GRK4: variants seen among roughly 807,000 people sequenced by gnomAD.
GRK4 encodes the protein G protein-coupled receptor kinase 4.
In GRK4, 73 loss-of-function variants were observed where a neutral mutation model predicts 77.9. That is an observed-to-expected ratio of 0.94 (90% CI 0.78 to 1.14). The LOEUF is 1.14. GRK4 is among the 50% of genes most tolerant of loss of function. The pLI, the probability that GRK4 is intolerant of heterozygous loss-of-function variation, is 0.00. For missense variants in GRK4, 729 were observed against 700.2 expected (o/e 1.04, Z -0.46); for synonymous variants, 257 against 254.4 (o/e 1.01, Z -0.10).
chr4:3,026,517 C>T (rs1415384155), intron 10 of GRK4, among the ~76,000 whole-genome samples: 1 of 152,098 alleles, frequency 6.6e-6, no homozygotes, highest in Non-Finnish European at 1.5e-5. Context: ...ATCGCTTGAG[C>T]CCAGGAGTTC....
chr4:2,989,550 C>T (rs534051341), intron 3 of GRK4, among the ~76,000 whole-genome samples: 1 of 152,290 alleles, frequency 6.6e-6, no homozygotes, highest in African/African-American at 2.4e-5. Flanking sequence ...ATCCACCTGC[C>T]TTGGCCCCCC....
chr4:3,034,285 G>A (rs1216443224), intron 12 of GRK4, among the ~76,000 whole-genome samples: 1 of 152,160 alleles, frequency 6.6e-6, no homozygotes, highest in Non-Finnish European at 1.5e-5. Context: ...TAGAAGCGCA[G>A]ACCAGAATGC....
rs756365622 is a variant in GRK4, at chr4:3,007,725, T to G, written c.444-11T>G. ...AACAAATGTATATAATTTTAAAAAA[T>G]CTTTTTCTAGAGTTGCCCATAACTA... On this transcript the variant is annotated splice_polypyrimidine_tract_variant and intron_variant, in intron 5 of 15. Coordinates refer to ENST00000398052, the MANE Select transcript of GRK4 (RefSeq NM_182982.3). 1 of 1,542,328 alleles carries G rather than the reference T, an allele frequency of 6.5e-7. No homozygotes were observed. The highest frequency in any genetic ancestry group is 1.2e-5 in the South Asian group (1 of 83,704).
chr4:2,969,770 T>C (rs2185886), intron 1 of GRK4, among the ~76,000 whole-genome samples: 72,231 of 151,732 alleles, frequency 0.48, 18,764 homozygotes, highest in African/African-American at 0.68. Context: ...CCTTGAACTC[T>C]GGGGCCAAGC....
Position 3,039,908 on chromosome 4 carries a change from G to C in GRK4, c.1684-664G>C, listed in dbSNP as rs1017352359. Among the ~76,000 whole-genome samples the C allele has an allele frequency of 3.7e-4, 57 of 152,058 alleles. 1 individual carries two copies. The highest frequency in any genetic ancestry group is 3.7e-3 in the Admixed American group (57 of 15,268). The stretch of plus-strand genomic sequence containing the variant: ...GGTCCCAGTGTCCACACTTGGAGAT[G>C]GAACCCAGGTTCCCACGTTTTGGGG... On this transcript the variant is annotated intron_variant, in intron 15 of 15. Transcript: ENST00000398052.
Position 2,973,808 on chromosome 4 carries a change from G to A in GRK4, c.52+9686G>A, listed in dbSNP as rs912298637. 5.9e-5 allele frequency among the ~76,000 whole-genome samples: 9 copies of A among 152,026 alleles called. 1 individual carries two copies. The South Asian group carries it at 1.2e-3, about 21-fold the overall frequency. ...ATTAAAATTTAAGCCAGATTGTGTC[G>A]GCCCCTCCTCTGAACTCTCTTCATG... On this transcript the variant is annotated intron_variant, in intron 1 of 15. Coordinates refer to ENST00000398052, the MANE Select transcript of GRK4 (RefSeq NM_182982.3).
chr4:2,965,295 A>AC (rs757721332), intron 1 of GRK4: 3 of 702,652 alleles, frequency 4.3e-6, no homozygotes, highest in South Asian at 1.5e-5. Flanking sequence ...TCAGCGGGAG[A>AC]CCCCCACAAT....
At chr4:2,974,301 G>A (rs1172216363) in intron 1 of GRK4, among the ~76,000 whole-genome samples, 2 of 152,238 alleles carry the variant, frequency 1.3e-5, no homozygotes, top group African/African-American at 2.4e-5. Flanking sequence ...GTTCACTGCT[G>A]TATTTTTCAT....
In GRK4 at chr4:2,978,355, T is replaced by TA. The variant is rs539683237; in HGVS notation, c.53-6151dup. Among the ~76,000 whole-genome samples, 114 of 152,278 alleles carry TA rather than the reference T, an allele frequency of 7.5e-4. 1 individual carries two copies. Among genetic ancestry groups the TA allele is most frequent in the Non-Finnish European group, 1.2e-3 (85 of 68,024 alleles). On this transcript the variant is annotated intron_variant, in intron 1 of 15. Coordinates refer to ENST00000398052, the MANE Select transcript of GRK4 (RefSeq NM_182982.3). ...GAGCTAATCGATTCTATTGTCAATC[T>TA]AAAAAAAGATATCAGAGAAAAATAT...
chr4:2,985,741 G>A (rs1430754869), intron 2 of GRK4: 4 of 326,324 alleles, frequency 1.2e-5, no homozygotes, highest in Middle Eastern at 1.0e-3. Context: ...GCTCACGCCC[G>A]TAATCCCAGC....
intron 1 of GRK4, among the ~76,000 whole-genome samples, chr4:2,977,705 C>T (rs961837656): frequency 2.0e-5 from 3 of 152,166 alleles, no homozygotes; most frequent in Admixed American, 2.0e-4. Context: ...CTGTGGATCT[C>T]GGTCCATCTA....
intron 8 of GRK4, among the ~76,000 whole-genome samples, chr4:3,016,964 C>G (rs1395229483): frequency 6.6e-6 from 1 of 152,206 alleles, no homozygotes; most frequent in Non-Finnish European, 1.5e-5. Flanking sequence ...TGTTTACCCC[C>G]TGCTTACAGT....
Position 3,004,250 on chromosome 4 carries a change from A to C in GRK4, c.359A>C (p.Glu120Ala). Residue 120 changes from glutamate (E) to alanine (A), a missense_variant, in exon 5 of 16, where the codon GAA becomes GCA. By Grantham distance (107) the Glu-to-Ala change is moderately radical. Transcript: ENST00000398052. ...FNDKLAAPLP[E>A]IPPDVVTECR... ...ATTAAGTTGGCAGCCCCTTTACCAG[A>C]AATACCTCCAGATGTTGTGACAGAA... 1 of 1,613,624 alleles carries C rather than the reference A, an allele frequency of 6.2e-7. No individual in the cohort carries two copies. The highest frequency in any genetic ancestry group is 8.5e-7 in the Non-Finnish European group (1 of 1,179,506).
Position 2,984,500 on chromosome 4 carries a change from C to T in GRK4, c.53-13C>T, listed in dbSNP as rs1723695543. On this transcript the variant is annotated splice_polypyrimidine_tract_variant and intron_variant, in intron 1 of 15. Coordinates refer to ENST00000398052, the MANE Select transcript of GRK4 (RefSeq NM_182982.3). ...ACTGTTAAAGGAAATTGCCTTTTTT[C>T]TCCCAAATTCAGGAGGATATGGCAA... The T allele has an allele frequency of 1.3e-6, 2 of 1,545,534 alleles. No individual in the cohort carries two copies. The highest frequency in any genetic ancestry group is 1.4e-5 in the African/African-American group (1 of 73,448).
intron 1 of GRK4, chr4:2,971,218 A>C (rs1203392971): frequency 6.6e-6 from 1 of 152,204 alleles, no homozygotes; most frequent in Non-Finnish European, 1.5e-5. Context: ...GTCTCCAGTA[A>C]ATATGTGGTT....
In GRK4 at chr4:3,038,420, T is replaced by C. The variant is rs765123787; in HGVS notation, c.1590T>C (p.Ser530=). The C allele has an allele frequency of 3.7e-6, 6 of 1,613,992 alleles. No individual in the cohort carries two copies. Among genetic ancestry groups the C allele is most frequent in the African/African-American group, 1.3e-5 (1 of 74,906 alleles). The change falls in exon 15 of 16, where the codon AGT becomes AGC. Residue 530 remains serine, a synonymous_variant. Coordinates refer to ENST00000398052, the MANE Select transcript of GRK4 (RefSeq NM_182982.3). ...TCAAAGACATCAACAAAAGTGAAAGTGAGGAAGCTTTGCCATTAGATCTAG... is the reference window on the plus strand; with the variant it reads ...TCAAAGACATCAACAAAAGTGAAAGCGAGGAAGCTTTGCCATTAGATCTAG... ...GCFKDINKSE[S]EEALPLDLDK... is the part of the protein sequence containing the mutation.
intron 1 of GRK4, among the ~76,000 whole-genome samples, chr4:2,971,658 C>T (rs1291952673): frequency 6.6e-6 from 1 of 152,216 alleles, no homozygotes; most frequent in African/African-American, 2.4e-5. Flanking sequence ...AACCTGATGT[C>T]TCCCGCAACA....
intron 2 of GRK4, among the ~76,000 whole-genome samples, chr4:2,987,322 A>G (rs1428067412): frequency 6.6e-6 from 1 of 152,200 alleles, no homozygotes; most frequent in African/African-American, 2.4e-5. Flanking sequence ...ATCACATTTT[A>G]TTTAGCCATT....
chr4:2,974,240 G>A (rs1314165498), intron 1 of GRK4, among the ~76,000 whole-genome samples: 1 of 152,128 alleles, frequency 6.6e-6, no homozygotes, highest in African/African-American at 2.4e-5. Context: ...TGTTCGTCGG[G>A]CTTTCTCCCT....
Sources: gnomAD v4.1 joint callset for allele counts (sites outside exome capture counted in the v4.1 genomes callset) on GRCh38, gnomAD v4.1.1 for gene constraint, MANE v1.5 for transcripts, NCBI Gene and HGNC (gene_info 2026-07-23, HGNC 2026-07-21) for gene names.